METTL8: variants seen among roughly 807,000 people sequenced by gnomAD.
METTL8 encodes the protein methyltransferase 8, tRNA N3-cytidine, also known as tRNA N(3)-cytidine methyltransferase METTL8, mitochondrial.
METTL8 carries 32 observed loss-of-function variants against 48.7 expected under a neutral mutation model. The observed-to-expected ratio is 0.66, with a 90% CI of 0.50 to 0.88. METTL8 has a LOEUF of 0.88. Among genes scored for constraint, METTL8 ranks in the 40% least tolerant of loss-of-function variants. The pLI is 0.00. For missense variants in METTL8, 464 were observed against 474.4 expected, an observed-to-expected ratio of 0.98 and a Z score of 0.20; for synonymous variants, 136 against 157.1, an observed-to-expected ratio of 0.87 and a Z score of 1.01.
At chr2:171,399,101 A>G (rs1689397317) in intron 1 of METTL8, among the ~76,000 whole-genome samples, 1 of 152,164 alleles carries the variant, frequency 6.6e-6, no homozygotes, top group African/African-American at 2.4e-5. Flanking sequence ...TCACCATCCT[A>G]TGAAGGTCCT....
At chr2:171,355,190 C>T (rs1684390038) in intron 3 of METTL8, among the ~76,000 whole-genome samples, 1 of 152,224 alleles carries the variant, frequency 6.6e-6, no homozygotes, top group Non-Finnish European at 1.5e-5. Flanking sequence ...TTCTAACAGT[C>T]AGGACCCTCA....
At chr2:171,424,598 G>T (rs1410234116) in intron 1 of METTL8, among the ~76,000 whole-genome samples, 2 of 152,214 alleles carry the variant, frequency 1.3e-5, no homozygotes, top group African/African-American at 4.8e-5. Flanking sequence ...TTTTGGACTT[G>T]CATAGGGCCT....
At chr2:171,351,421 G>C (rs1231562980) in intron 3 of METTL8, among the ~76,000 whole-genome samples, 1 of 152,132 alleles carries the variant, frequency 6.6e-6, no homozygotes, top group Non-Finnish European at 1.5e-5. Flanking sequence ...TGCTCTTTTT[G>C]CTTAGGATTG....
chr2:171,380,767 G>T (rs546406188), intron 2 of METTL8, among the ~76,000 whole-genome samples: 1 of 152,234 alleles, frequency 6.6e-6, no homozygotes, highest in East Asian at 1.9e-4. Context: ...ACGAATGGAA[G>T]AACATTCCAT....
intron 1 of METTL8, among the ~76,000 whole-genome samples, chr2:171,431,481 T>A (rs1379252567): frequency 6.6e-6 from 1 of 152,212 alleles, no homozygotes; most frequent in African/African-American, 2.4e-5. Context: ...TCTTACTGAT[T>A]GTGAGACAAA....
intron 3 of METTL8, among the ~76,000 whole-genome samples, chr2:171,356,907 T>C (rs1559101505): frequency 6.8e-6 from 1 of 146,950 alleles, no homozygotes; most frequent in South Asian, 2.2e-4. Context: ...AAAGGGCAGC[T>C]AAGTTGGAAA....
At chr2:171,351,070 T>A (rs1220581005) in intron 3 of METTL8, among the ~76,000 whole-genome samples, 3 of 152,204 alleles carry the variant, frequency 2.0e-5, no homozygotes, top group Non-Finnish European at 4.4e-5. Flanking sequence ...TTGCCTAGGT[T>A]TTCTTCTAGG....
At position 171,339,392 on chromosome 2, in the gene METTL8, A is replaced by G. The variant is rs917110978; in HGVS notation, c.398T>C (p.Val133Ala). 3.1e-6 allele frequency: 5 copies of G among 1,613,366 alleles called. No individual in the cohort carries two copies. The Admixed American group carries it at 5.0e-5, about 16-fold the overall frequency. The change falls in exon 4 of 10, where the codon GTA (valine) becomes GCA (alanine). Residue 133 changes from valine (V) to alanine (A), a missense_variant. By Grantham distance (64) the Val-to-Ala change is moderately conservative (BLOSUM62 0). Transcript: ENST00000375258. ...EKARESSWDH[V>A]KTSATNRFSR... is the part of the protein sequence containing the mutation. ...GAAACGATTTGTAGCACTAGTTTTT[A>G]CATGATCCCATGATGATTCTCTCGC...
chr2:171,348,941 G>C (rs1227432885), intron 3 of METTL8, among the ~76,000 whole-genome samples: 1 of 152,108 alleles, frequency 6.6e-6, no homozygotes, highest in African/African-American at 2.4e-5. Flanking sequence ...TGTGCAATGA[G>C]GATGATGCAG....
intron 1 of METTL8, among the ~76,000 whole-genome samples, chr2:171,394,406 G>T (rs1461091172): frequency 2.6e-5 from 4 of 151,662 alleles, no homozygotes; most frequent in East Asian, 3.9e-4. Flanking sequence ...AAAAAAAAAA[G>T]TAAGAGTTTC....
At chr2:171,387,599 T>A (rs540340450) in intron 2 of METTL8, among the ~76,000 whole-genome samples, 9 of 152,018 alleles carry the variant, frequency 5.9e-5, no homozygotes, top group Admixed American at 3.3e-4. Flanking sequence ...ATATATATAA[T>A]TTAATTGCAT....
intron 1 of METTL8, among the ~76,000 whole-genome samples, chr2:171,396,332 C>T (rs758050847): frequency 2.6e-4 from 39 of 151,844 alleles, no homozygotes; most frequent in Non-Finnish European, 5.4e-4. Context: ...ACAGAGTGTG[C>T]TTTTTGACTA....
chr2:171,367,657 T>A (rs1350795088), intron 2 of METTL8, among the ~76,000 whole-genome samples: 3 of 152,192 alleles, frequency 2.0e-5, no homozygotes, highest in Non-Finnish European at 2.9e-5. Flanking sequence ...AAATTTATTT[T>A]AAAAAACTCA....
intron 1 of METTL8, among the ~76,000 whole-genome samples, chr2:171,425,618 TG>T (rs1692328562): frequency 6.6e-6 from 1 of 152,186 alleles, no homozygotes; most frequent in South Asian, 2.1e-4. Context: ...AGAACAGGAC[TG>T]TGAGTCGCAG....
chr2:171,379,495 A>G (rs946790337), intron 2 of METTL8, among the ~76,000 whole-genome samples: 2 of 152,072 alleles, frequency 1.3e-5, no homozygotes, highest in African/African-American at 4.8e-5. Flanking sequence ...GAAAAAATTG[A>G]TAAAATAGAT....
intron 1 of METTL8, among the ~76,000 whole-genome samples, chr2:171,399,086 T>C (rs1689395526): frequency 2.0e-5 from 3 of 152,144 alleles, no homozygotes. Context: ...GTTCCCATTT[T>C]CAGCTCACCA....
intron 1 of METTL8, among the ~76,000 whole-genome samples, chr2:171,417,031 C>T (rs1187715574): frequency 6.6e-6 from 1 of 152,192 alleles, no homozygotes; most frequent in Admixed American, 6.5e-5. Context: ...GCAGGCAGTG[C>T]TTTTCCCAAA....
chr2:171,377,282 C>T, intron 2 of METTL8, among the ~76,000 whole-genome samples: 1 of 152,046 alleles, frequency 6.6e-6, no homozygotes, highest in East Asian at 1.9e-4. Flanking sequence ...TAGACATTGG[C>T]TTAGGCAAAG....
chr2:171,402,563 C>G (rs576707529), intron 1 of METTL8, among the ~76,000 whole-genome samples: 1 of 152,000 alleles, frequency 6.6e-6, no homozygotes, highest in Non-Finnish European at 1.5e-5. Flanking sequence ...AATATACATA[C>G]GTTATATATA....
Sources: allele counts gnomAD v4.1 joint callset (sites outside exome capture counted in the v4.1 genomes callset), GRCh38; gene constraint gnomAD v4.1.1; transcripts MANE v1.5; gene names NCBI Gene and HGNC (gene_info 2026-07-23, HGNC 2026-07-21).